Variants in GPC6 observed in about 807,000 individuals in gnomAD.
GPC6 encodes glypican 6.
GPC6 carries 14 observed loss-of-function variants against 55.2 expected under a neutral mutation model. That is an observed-to-expected ratio of 0.25 (90% CI 0.17 to 0.40). The LOEUF (loss-of-function observed/expected upper bound fraction) is 0.40. Ranked by LOEUF, GPC6 falls within the 10% of genes least tolerant of loss-of-function variation. The pLI is 1.00. For synonymous variants in GPC6, 278 were observed against 259.6 expected (o/e 1.07, Z -0.68); for missense variants, 641 against 708.5 (o/e 0.90, Z 1.08).
chr13:93,845,125 C>A (rs1453050639), intron 3 of GPC6, among the ~76,000 whole-genome samples: 1 of 151,954 alleles, frequency 6.6e-6, no homozygotes, highest in Non-Finnish European at 1.5e-5. Flanking sequence ...CTTGGCGATG[C>A]GGGCTCTTTT....
chr13:93,827,034 G>A (rs963743513), intron 2 of GPC6, among the ~76,000 whole-genome samples: 7 of 152,118 alleles, frequency 4.6e-5, no homozygotes, highest in South Asian at 2.1e-4. Flanking sequence ...CCTATGAAGC[G>A]TAACTGAGCC....
chr13:93,697,680 A>G (rs1222635265), intron 2 of GPC6, among the ~76,000 whole-genome samples: 2 of 152,192 alleles, frequency 1.3e-5, no homozygotes, highest in African/African-American at 4.8e-5. Context: ...CCAAAATTTT[A>G]GAACTAACAA....
At chr13:93,850,533 C>T (rs1215710962) in intron 3 of GPC6, among the ~76,000 whole-genome samples, 1 of 151,908 alleles carries the variant, frequency 6.6e-6, no homozygotes, top group Non-Finnish European at 1.5e-5. Flanking sequence ...ACTCCATAAA[C>T]AACTAGTTAA....
At chr13:93,590,855 G>A (rs755164669) in intron 2 of GPC6, among the ~76,000 whole-genome samples, 1 of 152,078 alleles carries the variant, frequency 6.6e-6, no homozygotes, top group Non-Finnish European at 1.5e-5. Flanking sequence ...AAACGCTGAT[G>A]CTTACATGAC....
chr13:94,030,709 C>T (rs1476965901), intron 4 of GPC6, among the ~76,000 whole-genome samples: 1 of 152,108 alleles, frequency 6.6e-6, no homozygotes, highest in Non-Finnish European at 1.5e-5. Context: ...TTGCATGTAC[C>T]TTCCCTGCTA....
intron 1 of GPC6, among the ~76,000 whole-genome samples, chr13:93,466,819 A>G (rs971271238): frequency 1.3e-5 from 2 of 152,192 alleles, no homozygotes; most frequent in African/African-American, 4.8e-5. Context: ...TATGGATCTG[A>G]TAACAGTAAA....
chr13:93,808,192 T>G (rs1013942332), intron 2 of GPC6, among the ~76,000 whole-genome samples: 2 of 142,986 alleles, frequency 1.4e-5, no homozygotes, highest in African/African-American at 4.9e-5. Context: ...TAGTTATTAC[T>G]ATACACTATA....
chr13:93,697,763 T>A (rs565100866), intron 2 of GPC6, among the ~76,000 whole-genome samples: 1 of 152,314 alleles, frequency 6.6e-6, no homozygotes, highest in South Asian at 2.1e-4. Context: ...GTTGATTAGA[T>A]CATACATAAC....
intron 1 of GPC6, among the ~76,000 whole-genome samples, chr13:93,240,511 C>G (rs1287900995): frequency 6.6e-6 from 1 of 151,938 alleles, no homozygotes; most frequent in Admixed American, 6.6e-5. Context: ...CACTCCTTTA[C>G]CTTGAGTCTA....
At chr13:93,220,796 G>C in the GPC6 span, among the ~76,000 whole-genome samples, 1 of 152,118 alleles carries the variant, frequency 6.6e-6, no homozygotes, top group African/African-American at 2.4e-5. Context: ...TAATACCTAA[G>C]ATGTAGTTCT....
At chr13:93,878,307 G>A (rs903082279) in intron 3 of GPC6, among the ~76,000 whole-genome samples, 2 of 152,006 alleles carry the variant, frequency 1.3e-5, no homozygotes, top group Non-Finnish European at 2.9e-5. Flanking sequence ...TATAAAGGTT[G>A]AGGGAATGAA....
chr13:93,686,181 T>C (rs1346965397), intron 2 of GPC6, among the ~76,000 whole-genome samples: 2 of 152,152 alleles, frequency 1.3e-5, no homozygotes, highest in African/African-American at 2.4e-5. Flanking sequence ...CACATCACTT[T>C]AAATAGGTTT....
At chr13:94,028,565 G>C (rs972704327) in intron 4 of GPC6, among the ~76,000 whole-genome samples, 2 of 151,322 alleles carry the variant, frequency 1.3e-5, no homozygotes, top group Non-Finnish European at 2.9e-5. Flanking sequence ...CCTCAGCATA[G>C]CCACACATAT....
At chr13:93,507,661 A>G (rs2139380039) in intron 1 of GPC6, among the ~76,000 whole-genome samples, 1 of 152,266 alleles carries the variant, frequency 6.6e-6, no homozygotes, top group African/African-American at 2.4e-5. Context: ...GTTCGCCAAT[A>G]TCGACATGAG....
chr13:93,573,396 G>T (rs1466456476), intron 2 of GPC6, among the ~76,000 whole-genome samples: 2 of 151,964 alleles, frequency 1.3e-5, no homozygotes, highest in Non-Finnish European at 2.9e-5. Context: ...TTTAGCAATG[G>T]TTGTATTTGT....
chr13:93,831,987 G>T (rs1887518419), intron 3 of GPC6, among the ~76,000 whole-genome samples: 1 of 145,832 alleles, frequency 6.9e-6, no homozygotes, highest in Admixed American at 6.9e-5. Context: ...CTACTCTGGA[G>T]GCTGAGGCAG....
At chr13:93,499,727 A>G (rs917987582) in intron 1 of GPC6, among the ~76,000 whole-genome samples, 1 of 152,164 alleles carries the variant, frequency 6.6e-6, no homozygotes, top group African/African-American at 2.4e-5. Flanking sequence ...TGCAACTAGG[A>G]TCTAGCTCTT....
intron 2 of GPC6, among the ~76,000 whole-genome samples, chr13:93,785,712 G>C (rs1392771183): frequency 1.3e-5 from 2 of 152,102 alleles, no homozygotes; most frequent in Non-Finnish European, 2.9e-5. Flanking sequence ...TGTAATCCCA[G>C]CACTTTGGAA....
intron 3 of GPC6, among the ~76,000 whole-genome samples, chr13:93,851,407 T>TA (rs1301350306): frequency 1.3e-5 from 2 of 151,874 alleles, no homozygotes; most frequent in African/African-American, 4.8e-5. Context: ...ATGTGTATCC[T>TA]AAAAAAATTG....
Sources: gnomAD v4.1 joint callset for allele counts (sites outside exome capture counted in the v4.1 genomes callset) on GRCh38, gnomAD v4.1.1 for gene constraint, MANE v1.5 for transcripts, NCBI Gene and HGNC (gene_info 2026-07-23, HGNC 2026-07-21) for gene names.